Variants in CCSER2 observed in about 807,000 individuals in gnomAD.
The protein encoded by CCSER2 is serine-rich coiled-coil domain-containing protein 2.
In CCSER2, 46 loss-of-function variants were observed where a neutral mutation model predicts 92.3. The ratio of observed to expected loss-of-function variants is 0.50; its 90% CI spans 0.39 to 0.64. The LOEUF is 0.64. Ranked by LOEUF, CCSER2 falls within the 30% of genes least tolerant of loss-of-function variation. The pLI, the probability that CCSER2 is intolerant of heterozygous loss-of-function variation, is 0.00. For synonymous variants in CCSER2, 433 were observed against 431.4 expected, an observed-to-expected ratio of 1.00 and a Z score of -0.04; for missense variants, 1,244 against 1,238.9, an observed-to-expected ratio of 1.00 and a Z score of -0.06.
chr10:84,447,705 T>A (rs80043038), intron 6 of CCSER2, among the ~76,000 whole-genome samples: 1 of 152,144 alleles, frequency 6.6e-6, no homozygotes, highest in Non-Finnish European at 1.5e-5. Flanking sequence ...GGAATTGATT[T>A]TGGTGCATTT....
At chr10:84,355,909 C>T (rs536177032) in intron 1 of CCSER2, among the ~76,000 whole-genome samples, 66 of 151,928 alleles carry the variant, frequency 4.3e-4, no homozygotes, top group Non-Finnish European at 6.9e-4. Flanking sequence ...TTGAGACCAG[C>T]GTGGCCAACA....
chr10:84,374,060 A>C (rs1418856174), intron 3 of CCSER2: 1 of 859,468 alleles, frequency 1.2e-6, no homozygotes, highest in Admixed American at 3.0e-5. Context: ...ATATGTGCAT[A>C]CTATATTAGT....
intron 3 of CCSER2, among the ~76,000 whole-genome samples, chr10:84,376,597 C>A (rs1846350735): frequency 6.6e-6 from 1 of 152,082 alleles, no homozygotes; most frequent in Non-Finnish European, 1.5e-5. Flanking sequence ...TCTTATTGTT[C>A]ATGGGCATTT....
intron 7 of CCSER2, among the ~76,000 whole-genome samples, chr10:84,465,314 ATTTTTTTTTT>A (rs34510394): frequency 2.0e-4 from 10 of 49,900 alleles, no homozygotes; most frequent in Non-Finnish European, 3.1e-4. Flanking sequence ...ACATGTAAAG[ATTTTTTTTTT>A]TTTTTTTTTT....
chr10:84,443,555 T>C (rs1424385694), intron 6 of CCSER2, among the ~76,000 whole-genome samples: 1 of 152,188 alleles, frequency 6.6e-6, no homozygotes, highest in Non-Finnish European at 1.5e-5. Context: ...GAGTGTAAAT[T>C]AGTTCAACCA....
chr10:84,447,743 T>C (rs1304058262), intron 6 of CCSER2, among the ~76,000 whole-genome samples: 2 of 152,196 alleles, frequency 1.3e-5, no homozygotes, highest in African/African-American at 2.4e-5. Flanking sequence ...TCCACTTTTA[T>C]TTGTTTTTAT....
rs187210331 is a variant in CCSER2 at position 84,427,838 on chromosome 10, A to G, written c.1868+1945A>G. On this transcript the variant is annotated intron_variant, in intron 5 of 9. Coordinates refer to ENST00000372088, the MANE Select transcript of CCSER2 (RefSeq NM_001284240.2). ...TGAAACCTAGCTCTTTCCCAAATAT[A>G]CTACTTCCCCAGTAACATTTTTACA... 6.6e-5 allele frequency among the ~76,000 whole-genome samples: 10 copies of G among 152,248 alleles called. No homozygotes were observed. The South Asian group carries it at 8.3e-4, about 13-fold the overall frequency.
chr10:84,348,324 C>T (rs1479720596), intron 1 of CCSER2, among the ~76,000 whole-genome samples: 7 of 152,328 alleles, frequency 4.6e-5, no homozygotes, highest in South Asian at 2.1e-4. Flanking sequence ...TGGCGGCACG[C>T]GCCTGCAATC....
intron 3 of CCSER2, among the ~76,000 whole-genome samples, chr10:84,385,972 A>T (rs1016150181): frequency 6.6e-6 from 1 of 152,084 alleles, no homozygotes; most frequent in African/African-American, 2.4e-5. Flanking sequence ...GCCAACAAAC[A>T]TAAAAAAAAC....
At chr10:84,483,789 T>C (rs1317966275) in intron 9 of CCSER2, among the ~76,000 whole-genome samples, 1 of 145,540 alleles carries the variant, frequency 6.9e-6, no homozygotes, top group East Asian at 1.9e-4. Context: ...TTTTTTCTTT[T>C]CTTTTTTTTT....
chr10:84,372,215 G>T lies in CCSER2; in HGVS notation c.1163G>T (p.Arg388Ile). ...NQTMKHDAKM[R>I]YLSDDVDDIS... ...ACCATGAAACATGATGCTAAAATGA[G>T]ATACCTGAGTGATGATGTGGATGAC... is the stretch of plus-strand genomic sequence containing the variant. The change falls in exon 2 of 10, where the codon AGA becomes ATA. Residue 388 changes from arginine (R) to isoleucine (I), a missense_variant. Transcript: ENST00000372088. The T allele has an allele frequency of 6.2e-7, 1 of 1,613,544 alleles. No individual in the cohort carries two copies. Among genetic ancestry groups the T allele is most frequent in the Non-Finnish European group, 8.5e-7 (1 of 1,179,706 alleles).
chr10:84,467,159 C>G (rs895336680), intron 7 of CCSER2, among the ~76,000 whole-genome samples: 1 of 152,166 alleles, frequency 6.6e-6, no homozygotes, highest in African/African-American at 2.4e-5. Context: ...AGACGTTTGA[C>G]ATGACCTTTG....
intron 9 of CCSER2, among the ~76,000 whole-genome samples, chr10:84,509,748 GT>G (rs1218870414): frequency 6.6e-6 from 1 of 152,162 alleles, no homozygotes; most frequent in Non-Finnish European, 1.5e-5. Context: ...ATAGGGAGTA[GT>G]TAAGATATGA....
Position 84,371,608 on chromosome 10 carries a change from C to T in CCSER2, c.556C>T (p.Gln186Ter). ...FYGNRSAGSM[Q>*]RPRANSCATR... ...TGGAAACCGATCAGCTGGTAGCATG[C>T]AAAGGCCTAGAGCGAACTCCTGTGC... The change falls in exon 2 of 10, where the codon CAA becomes TAA. Residue 186 changes from glutamine (Q) to a stop codon, truncating the protein, a stop_gained. Coordinates refer to ENST00000372088, the MANE Select transcript of CCSER2 (RefSeq NM_001284240.2). LOFTEE classifies it high-confidence loss of function. 6.2e-7 allele frequency: 1 copy of T among 1,613,562 alleles called. No homozygotes were observed. The highest frequency in any genetic ancestry group is 8.5e-7 in the Non-Finnish European group (1 of 1,179,712).
chr10:84,469,125 A>G (rs964324124), intron 7 of CCSER2, among the ~76,000 whole-genome samples: 1 of 152,174 alleles, frequency 6.6e-6, no homozygotes, highest in Non-Finnish European at 1.5e-5. Flanking sequence ...TGCATGGATT[A>G]TCAATAGCTT....
chr10:84,330,304 T>G (rs1243512800), intron 1 of CCSER2, among the ~76,000 whole-genome samples: 13 of 152,232 alleles, frequency 8.5e-5, no homozygotes. Flanking sequence ...GAAGATGACA[T>G]CTTCCTCTGT....
At position 84,425,777 on chromosome 10, in the gene CCSER2, T is replaced by C. The variant is rs758894670; in HGVS notation, c.1752T>C (p.Val584=). The stretch of plus-strand genomic sequence containing the variant: ...GCTTTGACCGACCAGACAGAAATGT[T>C]CGGCAGCCTCAGGAAGGTTTTTGGA... ...MNRFDRPDRN[V]RQPQEGFWKR... Residue 584 remains valine, a synonymous_variant, in exon 5 of 10, where the codon GTT becomes GTC. Coordinates refer to ENST00000372088, the MANE Select transcript of CCSER2 (RefSeq NM_001284240.2). The C allele has an allele frequency of 1.9e-6, 3 of 1,613,738 alleles. No homozygotes were observed. Among genetic ancestry groups the C allele is most frequent in the Middle Eastern group, 1.7e-4 (1 of 6,058 alleles).
In CCSER2 at chr10:84,364,237, T is replaced by TAC. The variant is rs1845661286; in HGVS notation, c.-39-6775_-39-6774dup. ...ACTTTATAAACTCTGTACAAACAGATACAATAAATATGTAAAAAATAAAGT... is the reference window on the plus strand; with the variant it reads ...ACTTTATAAACTCTGTACAAACAGATACACAATAAATATGTAAAAAATAAAGT... On this transcript the variant is annotated intron_variant, in intron 1 of 9. Transcript: ENST00000372088. Among the ~76,000 whole-genome samples, 3 of 152,170 alleles carry TAC rather than the reference T, an allele frequency of 2.0e-5. No homozygotes were observed. The South Asian group carries it at 6.2e-4, about 31-fold the overall frequency.
rs751803860 is a variant in CCSER2 at position 84,373,727 on chromosome 10, G to A, written c.1526G>A (p.Gly509Glu). The A allele has an allele frequency of 4.3e-6, 7 of 1,613,624 alleles. No individual in the cohort carries two copies. In the Admixed American group the frequency reaches 1.0e-4, roughly 23 times the overall value. ...FELSPSDSSD[G>E]TYMWDEEGLE... Reference sequence around the variant, plus strand: ...CTCTCTCCATCTGATAGCTCTGATGGAACATACATGTGGGATGAAGAAGGC... The same window carrying A: ...CTCTCTCCATCTGATAGCTCTGATGAAACATACATGTGGGATGAAGAAGGC... Residue 509 changes from glycine (G) to glutamate (E), a missense_variant, in exon 3 of 10, where the codon GGA becomes GAA. Physicochemically the swap from Gly to Glu is moderately conservative, Grantham distance 98. Coordinates refer to ENST00000372088, the MANE Select transcript of CCSER2 (RefSeq NM_001284240.2).
Sources: allele counts gnomAD v4.1 joint callset (sites outside exome capture counted in the v4.1 genomes callset), GRCh38; gene constraint gnomAD v4.1.1; transcripts MANE v1.5; gene names NCBI Gene and HGNC (gene_info 2026-07-23, HGNC 2026-07-21).